Variants in DLC1 observed in about 807,000 individuals in gnomAD.
DLC1 encodes the protein DLC1 Rho GTPase activating protein.
DLC1 carries 54 observed loss-of-function variants against 140.3 expected under a neutral mutation model. That is an observed-to-expected ratio of 0.38 (90% CI 0.31 to 0.48). DLC1 has a LOEUF of 0.48. Among genes scored for constraint, DLC1 ranks in the 20% least tolerant of loss-of-function variants. The pLI is 0.96. For synonymous variants in DLC1, 986 were observed against 728.1 expected (o/e 1.35, Z -5.70); for missense variants, 2,536 against 1,907.0 (o/e 1.33, Z -6.14).
At chr8:13,357,083 A>G (rs772203039) in intron 4 of DLC1, among the ~76,000 whole-genome samples, 2 of 152,018 alleles carry the variant, frequency 1.3e-5, no homozygotes, top group Admixed American at 1.3e-4. Flanking sequence ...AGCCTAGCCC[A>G]TATAACAAAA....
intron 4 of DLC1, among the ~76,000 whole-genome samples, chr8:13,358,107 T>C (rs1835033574): frequency 6.6e-6 from 1 of 152,204 alleles, no homozygotes; most frequent in African/African-American, 2.4e-5. Flanking sequence ...ATCCTGCTAT[T>C]CTGTTTTGCT....
At chr8:13,223,016 G>A (rs1828630691) in intron 5 of DLC1, among the ~76,000 whole-genome samples, 1 of 152,180 alleles carries the variant, frequency 6.6e-6, no homozygotes, top group African/African-American at 2.4e-5. Context: ...GCCTCCCAAA[G>A]TGTTGGGATT....
intron 1 of DLC1, among the ~76,000 whole-genome samples, chr8:13,511,545 T>C (rs545925942): frequency 1.1e-4 from 17 of 152,284 alleles, no homozygotes; most frequent in African/African-American, 3.8e-4. Flanking sequence ...AAACACTGTA[T>C]TTCTCTATCA....
chr8:13,304,606 C>T, intron 5 of DLC1: 2 of 839,858 alleles, frequency 2.4e-6, no homozygotes, highest in Non-Finnish European at 2.9e-6. Context: ...AAGTGATGTA[C>T]TTCAAGTTAG....
intron 5 of DLC1, among the ~76,000 whole-genome samples, chr8:13,248,833 A>G (rs948436599): frequency 1.3e-5 from 2 of 152,178 alleles, no homozygotes; most frequent in African/African-American, 4.8e-5. Context: ...GAAAACCTCC[A>G]CATTGAATTA....
At chr8:13,204,337 C>T (rs939095039) in intron 5 of DLC1, among the ~76,000 whole-genome samples, 10 of 152,112 alleles carry the variant, frequency 6.6e-5, no homozygotes, top group African/African-American at 2.2e-4. Context: ...TTACAATGCT[C>T]ATTCACTTTC....
At chr8:13,180,771 A>G (rs1388698106) in intron 5 of DLC1, among the ~76,000 whole-genome samples, 2 of 152,214 alleles carry the variant, frequency 1.3e-5, no homozygotes, top group Non-Finnish European at 1.5e-5. Context: ...AACCAAAACC[A>G]TCACATGAAA....
rs1022621082 is a variant in DLC1, at chr8:13,500,327, T to C, written c.-125-131A>G. 13 of 347,992 alleles carry C rather than the reference T, an allele frequency of 3.7e-5. No homozygotes were observed. In the Admixed American group the frequency reaches 3.9e-4, roughly 10 times the overall value. 21.6% of individuals were successfully genotyped at this position (347,992 alleles called of 1,614,324 possible). A position where few individuals can be genotyped will look rare whatever the true frequency, so the allele number is the denominator to read the frequency against. On this transcript the variant is annotated intron_variant, in intron 1 of 17. Coordinates refer to ENST00000276297, the MANE Select transcript of DLC1 (RefSeq NM_182643.3). ...TTATAAAGCTTCTGTTTAGTAGCTTTAATAATGTCATTTCTTTAAGAAGCC... is the reference window on the plus strand; with the variant it reads ...TTATAAAGCTTCTGTTTAGTAGCTTCAATAATGTCATTTCTTTAAGAAGCC...
intron 5 of DLC1, among the ~76,000 whole-genome samples, chr8:13,280,646 G>A (rs1169650528): frequency 6.6e-6 from 1 of 152,090 alleles, no homozygotes; most frequent in Non-Finnish European, 1.5e-5. Context: ...CTGATTTAAT[G>A]TTAGAGACCT....
intron 5 of DLC1, among the ~76,000 whole-genome samples, chr8:13,153,772 A>T (rs1824023448): frequency 6.6e-6 from 1 of 152,070 alleles, no homozygotes; most frequent in Non-Finnish European, 1.5e-5. Flanking sequence ...AGGTAGACAC[A>T]GAATGCCGAT....
intron 4 of DLC1, among the ~76,000 whole-genome samples, chr8:13,337,930 A>G (rs1833876209): frequency 6.6e-6 from 1 of 152,218 alleles, no homozygotes; most frequent in Non-Finnish European, 1.5e-5. Context: ...TATGCAATTT[A>G]TTACACTTCA....
Position 13,393,548 on chromosome 8 carries a change from C to G in DLC1, c.1314+5G>C, listed in dbSNP as rs768567888. Reference sequence around the variant, plus strand: ...AGAGACTCTCTGTTATTATTTAGAACTCACCGTAGTCTTGGGTTTGGTTCC... The same window carrying G: ...AGAGACTCTCTGTTATTATTTAGAAGTCACCGTAGTCTTGGGTTTGGTTCC... On this transcript the variant is annotated splice_donor_5th_base_variant and intron_variant, in intron 4 of 17. Transcript: ENST00000276297. The G allele has an allele frequency of 1.9e-6, 3 of 1,612,914 alleles. No individual in the cohort carries two copies. The highest frequency in any genetic ancestry group is 2.5e-6 in the Non-Finnish European group (3 of 1,179,510).
intron 2 of DLC1, among the ~76,000 whole-genome samples, chr8:13,414,278 T>C (rs908895796): frequency 2.0e-5 from 3 of 152,204 alleles, no homozygotes; most frequent in Admixed American, 6.5e-5. Context: ...AAGATGCCCA[T>C]ATATTCAATA....
chr8:13,231,739 G>A (rs912507331), intron 5 of DLC1, among the ~76,000 whole-genome samples: 1 of 152,212 alleles, frequency 6.6e-6, no homozygotes, highest in Non-Finnish European at 1.5e-5. Flanking sequence ...ATTGAGCACA[G>A]CGATGTGATC....
intron 2 of DLC1, among the ~76,000 whole-genome samples, chr8:13,438,465 C>G (rs1186158450): frequency 6.6e-6 from 1 of 152,154 alleles, no homozygotes; most frequent in Admixed American, 6.5e-5. Context: ...TAAAACCAGT[C>G]AGTTCACGTT....
At chr8:13,105,445 G>A (rs983910739) in intron 7 of DLC1, among the ~76,000 whole-genome samples, 6 of 152,084 alleles carry the variant, frequency 3.9e-5, no homozygotes, top group East Asian at 1.9e-4. Context: ...TCTTCCCAAC[G>A]ACCCTATGGT....
chr8:13,186,378 C>G (rs1275491043), intron 5 of DLC1, among the ~76,000 whole-genome samples: 1 of 152,016 alleles, frequency 6.6e-6, no homozygotes, highest in Non-Finnish European at 1.5e-5. Flanking sequence ...ACCTTCTCTT[C>G]TCACTTTATT....
At chr8:13,279,548 A>G (rs1050217878) in intron 5 of DLC1, among the ~76,000 whole-genome samples, 1 of 152,184 alleles carries the variant, frequency 6.6e-6, no homozygotes, top group Non-Finnish European at 1.5e-5. Context: ...AGCATTTTTG[A>G]GCAAGGCAAA....
chr8:13,087,946 A>G (rs1281040849), intron 16 of DLC1, among the ~76,000 whole-genome samples: 5 of 152,264 alleles, frequency 3.3e-5, no homozygotes, highest in African/African-American at 1.2e-4. Context: ...GAGCATATTC[A>G]TTGGAAGGGG....
Sources: gnomAD v4.1 joint callset for allele counts (sites outside exome capture counted in the v4.1 genomes callset) on GRCh38, gnomAD v4.1.1 for gene constraint, MANE v1.5 for transcripts, NCBI Gene and HGNC (gene_info 2026-07-23, HGNC 2026-07-21) for gene names.